The following JMJD6 variants were observed in gnomAD, a reference collection of about 807,000 sequenced individuals.
JMJD6 encodes bifunctional arginine demethylase and lysyl-hydroxylase JMJD6.
A neutral mutation model predicts 45.8 loss-of-function variants in JMJD6; 17 were observed. The ratio of observed to expected loss-of-function variants is 0.37; its 90% CI spans 0.25 to 0.56. The LOEUF (loss-of-function observed/expected upper bound fraction) is 0.56, where lower values mean the gene tolerates loss of function less well. JMJD6 is among the 20% of genes least tolerant of loss of function. The pLI is 0.79. For synonymous variants in JMJD6, 221 were observed against 196.3 expected (o/e 1.13, Z -1.05); for missense variants, 470 against 517.5 (o/e 0.91, Z 0.89).
At chr17:76,716,538 G>T, downstream of JMJD6, 3 of 700,772 alleles carry the variant, frequency 4.3e-6, no homozygotes, top group South Asian at 3.5e-5. Context: ...AACAGCATTT[G>T]ACCGAAGATA....
At chr17:76,726,300 T>C in intron 1 of JMJD6, 47 bp downstream of exon 1, 3 of 1,525,662 alleles carry the variant, frequency 2.0e-6, no homozygotes, top group Non-Finnish European at 2.6e-6. Context: ...GCGTAGCGGC[T>C]GGAGGTGCCG....
intron 1 of JMJD6, among the ~76,000 whole-genome samples, chr17:76,726,134 T>C (rs2076926030): frequency 6.6e-6 from 1 of 152,200 alleles, no homozygotes; most frequent in African/African-American, 2.4e-5. Flanking sequence ...GGGACTCCCG[T>C]CGTCCGCCAG....
At chr17:76,723,746 T>G in intron 3 of JMJD6, 26 bp downstream of exon 3, 2 of 1,607,618 alleles carry the variant, frequency 1.2e-6, no homozygotes, top group Non-Finnish European at 1.7e-6. Flanking sequence ...CGGCAAAGAA[T>G]GTACTTTCTT....
At chr17:76,721,357 C>A in intron 4 of JMJD6, 2 of 434,294 alleles carry the variant, frequency 4.6e-6, no homozygotes, top group South Asian at 3.2e-5. Flanking sequence ...TGTATCTGTT[C>A]TGTGGATAAA....
downstream of JMJD6, chr17:76,716,588 G>T: frequency 9.0e-7 from 1 of 1,115,898 alleles, no homozygotes; most frequent in Non-Finnish European, 1.4e-6. Flanking sequence ...ATTCAAAGAA[G>T]ACAGAGGAGA....
At position 76,723,939 on chromosome 17, in the gene JMJD6, G is replaced by T; in HGVS notation, c.638C>A (p.Thr213Asn). 1.2e-6 allele frequency: 2 copies of T among 1,614,122 alleles called. No homozygotes were observed. Among genetic ancestry groups the T allele is most frequent in the Non-Finnish European group, 8.5e-7 (1 of 1,180,018 alleles). The change falls in exon 3 of 6, where the codon ACT becomes AAT. Residue 213 changes from threonine to asparagine, a missense_variant. Transcript: ENST00000397625. ...HKRWCLFPTS[T>N]PRELIKVTRD... The stretch of plus-strand genomic sequence containing the variant: ...GGTCACTTTGATGAGTTCCCTGGGA[G>T]TGCTGGTAGGAAACAGGCACCAGCG...
Position 76,725,717 on chromosome 17 carries a change from G to A in JMJD6, c.268C>T (p.Leu90=). The A allele has an allele frequency of 6.2e-7, 1 of 1,614,034 alleles. No individual in the cohort carries two copies. Among genetic ancestry groups the A allele is most frequent in the Non-Finnish European group, 8.5e-7 (1 of 1,180,032 alleles). Residue 90 remains leucine, a synonymous_variant, in exon 2 of 6, where the codon CTA becomes TTA. Transcript: ENST00000397625. ...TTCTGGTTCCGATATTTCCTTTTTA[G>A]GCGCTCCAGAGTCCATTTCTCCTGC... ...SAQEKWTLER[L]KRKYRNQKFK...
intron 5 of JMJD6, 85 bp from the exon 6 acceptor site, chr17:76,718,945 GCA>G (rs570902332): frequency 3.0e-6 from 4 of 1,345,564 alleles, no homozygotes; most frequent in Non-Finnish European, 3.1e-6. Flanking sequence ...TCGGGAGACA[GCA>G]CAGATATTGG....
chr17:76,724,322 A>G (rs1265866091), intron 2 of JMJD6, among the ~76,000 whole-genome samples: 3 of 151,730 alleles, frequency 2.0e-5, no homozygotes, highest in African/African-American at 7.3e-5. Flanking sequence ...GGGTTTCACC[A>G]TGTTGCCTAG....
Position 76,725,751 on chromosome 17 carries a change from G to A in JMJD6, c.234C>T (p.Gly78=). ...GAGTCCATTTCTCCTGCGCAGACCAGCCCTCTTGCGCATTCAACAAAACCA... is the reference window on the plus strand; with the variant it reads ...GAGTCCATTTCTCCTGCGCAGACCAACCCTCTTGCGCATTCAACAAAACCA... ...KPVVLLNAQE[G]WSAQEKWTLE... The change falls in exon 2 of 6, where the codon GGC becomes GGT. Residue 78 remains glycine, a synonymous_variant. Coordinates refer to ENST00000397625, the MANE Select transcript of JMJD6 (RefSeq NM_015167.3). The A allele has an allele frequency of 6.2e-7, 1 of 1,614,058 alleles. No homozygotes were observed. The highest frequency in any genetic ancestry group is 1.3e-5 in the African/African-American group (1 of 75,002).
At chr17:76,715,641 T>C (rs2240772), downstream of JMJD6, 48,804 of 152,108 alleles carry the variant, frequency 0.32, 8,845 homozygotes, top group Non-Finnish European at 0.4. Context: ...TGCCTGCCAA[T>C]GCCTCCAACG....
intron 4 of JMJD6, chr17:76,721,459 G>T (rs1479961777): frequency 3.2e-6 from 1 of 310,202 alleles, no homozygotes; most frequent in Non-Finnish European, 6.3e-6. Flanking sequence ...GTAAGAAAAA[G>T]AAACAACCCA....
intron 3 of JMJD6, among the ~76,000 whole-genome samples, chr17:76,723,118 G>T (rs2143734186): frequency 6.6e-6 from 1 of 151,106 alleles, no homozygotes; most frequent in African/African-American, 2.4e-5. Flanking sequence ...ATTAATTTTT[G>T]TATTATTAGT....
chr17:76,726,441 G>C lies in JMJD6; in HGVS notation c.35C>G (p.Ala12Gly). The stretch of plus-strand genomic sequence containing the variant: ...GAGCTCCGGCCGCGCACTCCGCTTG[G>C]CCTCGCGGATGCGCTTCTTGCTCTT... ...NHKSKKRIRE[A>G]KRSARPELKD... The change falls in exon 1 of 6, where the codon GCC (alanine) becomes GGC (glycine). Residue 12 changes from alanine to glycine, a missense_variant. Ala to Gly is a moderately conservative substitution (Grantham distance 60, BLOSUM62 0). Transcript: ENST00000397625. The C allele has an allele frequency of 6.2e-7, 1 of 1,603,560 alleles. No individual in the cohort carries two copies. Among genetic ancestry groups the C allele is most frequent in the Non-Finnish European group, 8.5e-7 (1 of 1,176,040 alleles).
intron 1 of JMJD6, among the ~76,000 whole-genome samples, 166 bp downstream of exon 1, chr17:76,726,181 C>G (rs1346883293): frequency 6.6e-6 from 1 of 152,252 alleles, no homozygotes; most frequent in Non-Finnish European, 1.5e-5. Flanking sequence ...GGAAGCAGAC[C>G]CGCCCCGGAA....
chr17:76,717,883 C>G (rs1011532891), downstream of JMJD6, among the ~76,000 whole-genome samples: 2 of 151,402 alleles, frequency 1.3e-5, no homozygotes, highest in Non-Finnish European at 2.9e-5. Flanking sequence ...CCCAGCTACT[C>G]GGGAGGCTGA....
chr17:76,726,558 G>T lies in JMJD6; in HGVS notation c.-83C>A. The T allele has an allele frequency of 6.7e-7, 1 of 1,484,506 alleles. No individual in the cohort carries two copies. Among genetic ancestry groups the T allele is most frequent in the Non-Finnish European group, 8.9e-7 (1 of 1,122,588 alleles). 92.0% of individuals were successfully genotyped at this position (1,484,506 alleles called of 1,614,324 possible). Reference sequence around the variant, plus strand: ...TAACGCACCCCTCCCCGGCCTGGGCGGCGGCGACGGCAGTACCCAAACGCC... The same window carrying T: ...TAACGCACCCCTCCCCGGCCTGGGCTGCGGCGACGGCAGTACCCAAACGCC... On this transcript the variant is annotated 5_prime_UTR_variant, in exon 1 of 6. Coordinates refer to ENST00000397625, the MANE Select transcript of JMJD6 (RefSeq NM_015167.3).
At position 76,726,431 on chromosome 17, in the gene JMJD6, A is replaced by C. The variant is rs751676845; in HGVS notation, c.45T>G (p.Ser15Arg). The part of the protein sequence containing the change: ...SKKRIREAKR[S>R]ARPELKDSLD... ...GCGAGTCCTTGAGCTCCGGCCGCGC[A>C]CTCCGCTTGGCCTCGCGGATGCGCT... The change falls in exon 1 of 6, where the codon AGT becomes AGG. Residue 15 changes from serine (S) to arginine (R), a missense_variant. Ser to Arg is a moderately radical substitution (Grantham distance 110). This residue lies in a region of JMJD6 where 346 missense variants were observed against 339.5 expected (regional missense o/e 1.02). Coordinates refer to ENST00000397625, the MANE Select transcript of JMJD6 (RefSeq NM_015167.3). 1 of 1,602,568 alleles carries C rather than the reference A, an allele frequency of 6.2e-7. No individual in the cohort carries two copies. Among genetic ancestry groups the C allele is most frequent in the South Asian group, 1.1e-5 (1 of 89,846 alleles).
At chr17:76,716,310 T>C (rs562901643), downstream of JMJD6, 1 of 212,944 alleles carries the variant, frequency 4.7e-6, no homozygotes, top group African/African-American at 2.3e-5. Flanking sequence ...GTCTCTGTGG[T>C]ACACAGCTGG....
Sources: allele counts gnomAD v4.1 joint callset (sites outside exome capture counted in the v4.1 genomes callset), GRCh38; gene constraint gnomAD v4.1.1; regional missense constraint gnomAD v4.1.1; transcripts MANE v1.5; gene names NCBI Gene and HGNC (gene_info 2026-07-23, HGNC 2026-07-21).